The following GRID1 variants were observed in gnomAD, a reference collection of about 807,000 sequenced individuals.
The protein encoded by GRID1 is glutamate receptor ionotropic, delta-1.
A neutral mutation model predicts 98.0 loss-of-function variants in GRID1; 28 were observed. The ratio of observed to expected loss-of-function variants is 0.29; its 90% CI spans 0.21 to 0.39. The LOEUF is 0.39. GRID1 is among the 10% of genes least tolerant of loss of function. The pLI is 1.00. For synonymous variants in GRID1, 553 were observed against 538.5 expected, an observed-to-expected ratio of 1.03 and a Z score of -0.37; for missense variants, 1,111 against 1,340.5, an observed-to-expected ratio of 0.83 and a Z score of 2.67.
chr10:85,794,344 G>A (rs1158765542), intron 8 of GRID1, among the ~76,000 whole-genome samples: 1 of 152,232 alleles, frequency 6.6e-6, no homozygotes, highest in Non-Finnish European at 1.5e-5. Flanking sequence ...CCCTGAGATT[G>A]AATCTCAGAG....
intron 2 of GRID1, among the ~76,000 whole-genome samples, chr10:86,323,480 T>G (rs1328307258): frequency 6.6e-6 from 1 of 152,228 alleles, no homozygotes; most frequent in Non-Finnish European, 1.5e-5. Context: ...TTAAATTCTC[T>G]ACTCAGCTTT....
chr10:85,904,795 A>T (rs111554378), intron 5 of GRID1, among the ~76,000 whole-genome samples: 1 of 152,100 alleles, frequency 6.6e-6, no homozygotes, highest in Admixed American at 6.5e-5. Flanking sequence ...ACACATAACA[A>T]TAAAAATTAC....
chr10:85,949,462 C>T (rs1842091918), intron 4 of GRID1, among the ~76,000 whole-genome samples: 1 of 152,158 alleles, frequency 6.6e-6, no homozygotes, highest in South Asian at 2.1e-4. Flanking sequence ...GTATGTAGAC[C>T]TAATCCATTC....
At chr10:85,637,246 GA>G (rs1180443692) in intron 13 of GRID1, among the ~76,000 whole-genome samples, 1 of 152,132 alleles carries the variant, frequency 6.6e-6, no homozygotes, top group Admixed American at 6.5e-5. Context: ...TTTAGGTGGT[GA>G]AAAAAGAAAT....
chr10:86,322,391 T>C (rs1343388915), intron 2 of GRID1, among the ~76,000 whole-genome samples: 1 of 152,134 alleles, frequency 6.6e-6, no homozygotes, highest in African/African-American at 2.4e-5. Flanking sequence ...AGTAGAATTA[T>C]GTTTTGTTGT....
intron 4 of GRID1, among the ~76,000 whole-genome samples, chr10:85,919,587 C>T (rs367995914): frequency 6.6e-5 from 10 of 152,302 alleles, no homozygotes; most frequent in East Asian, 5.8e-4. Context: ...ATGCTCACAC[C>T]CCAGTGGGCA....
At chr10:85,646,023 AGCTTGCCCCAGG>A (rs1195805942) in intron 13 of GRID1, 1 of 152,728 alleles carries the variant, frequency 6.5e-6, no homozygotes, top group Non-Finnish European at 1.5e-5. Context: ...CTGGCCCCAG[AGCTTGCCCCAGG>A]CTGTCCTGAC....
intron 8 of GRID1, among the ~76,000 whole-genome samples, chr10:85,764,594 C>T (rs181878534): frequency 2.0e-4 from 30 of 152,290 alleles, no homozygotes; most frequent in Admixed American, 7.2e-4. Flanking sequence ...TAGACACAGG[C>T]ACATGTTCTA....
At chr10:86,264,571 G>C (rs1481446758) in intron 2 of GRID1, 1 of 446,530 alleles carries the variant, frequency 2.2e-6, no homozygotes, top group Non-Finnish European at 4.5e-6. Context: ...GGAGAGCAAG[G>C]TTTCCACAAT....
intron 3 of GRID1, among the ~76,000 whole-genome samples, chr10:86,151,777 C>T (rs11201914): frequency 0.05 from 7,614 of 152,266 alleles, 207 homozygotes; most frequent in African/African-American, 0.056. Flanking sequence ...CCCAATGGGA[C>T]CTCCTGATCC....
chr10:85,972,580 C>T (rs1589319381), intron 4 of GRID1, among the ~76,000 whole-genome samples: 1 of 151,506 alleles, frequency 6.6e-6, no homozygotes, highest in Non-Finnish European at 1.5e-5. Context: ...TTTCTCAGTG[C>T]CTTTGCAATC....
intron 3 of GRID1, among the ~76,000 whole-genome samples, chr10:86,167,191 C>T (rs1272039426): frequency 6.6e-6 from 1 of 152,202 alleles, no homozygotes; most frequent in Non-Finnish European, 1.5e-5. Context: ...CAAGGAGCTT[C>T]CAATAAAGCA....
At chr10:85,746,927 C>T (rs184283516) in intron 8 of GRID1, among the ~76,000 whole-genome samples, 1 of 152,248 alleles carries the variant, frequency 6.6e-6, no homozygotes, top group African/African-American at 2.4e-5. Context: ...CCTTTATGCT[C>T]ATCTTAAAAG....
intron 4 of GRID1, among the ~76,000 whole-genome samples, chr10:86,016,678 G>A (rs1842985157): frequency 6.6e-6 from 1 of 152,042 alleles, no homozygotes; most frequent in South Asian, 2.1e-4. Context: ...CATCTTTCCT[G>A]CTTCTGTGAT....
intron 15 of GRID1, among the ~76,000 whole-genome samples, chr10:85,609,130 TGGGAGG>T (rs1842705159): frequency 6.6e-6 from 1 of 152,178 alleles, no homozygotes; most frequent in South Asian, 2.1e-4. Flanking sequence ...AGCTTGCGCC[TGGGAGG>T]CAGCAGGGGT....
rs541547597 is a variant in GRID1 at position 85,621,150 on chromosome 10, A to C, written c.2194-1117T>G. Among the ~76,000 whole-genome samples, 6 of 152,314 alleles carry C rather than the reference A, an allele frequency of 3.9e-5. No individual in the cohort carries two copies. In the South Asian group the frequency reaches 1.0e-3, roughly 26 times the overall value. ...CACTGCCACCTGGCCATCTTAAAAC[A>C]AAGTAGAATGTTCTTAATGCAGCAA... On this transcript the variant is annotated intron_variant, in intron 13 of 15. Transcript: ENST00000327946.
chr10:86,281,688 G>A (rs1847359082), intron 2 of GRID1, among the ~76,000 whole-genome samples: 1 of 152,120 alleles, frequency 6.6e-6, no homozygotes, highest in Non-Finnish European at 1.5e-5. Flanking sequence ...TAGGACAGTA[G>A]TCCTAGGCCT....
chr10:85,647,498 A>C lies in GRID1; in HGVS notation c.1998-101T>G, dbSNP rs544806596. The C allele has an allele frequency of 9.2e-4, 780 of 850,612 alleles. 4 individuals are homozygous for C. Among genetic ancestry groups the C allele is most frequent in the South Asian group, 1.6e-3 (102 of 64,882 alleles). 52.7% of individuals were successfully genotyped at this position (850,612 alleles called of 1,614,324 possible). A position where few individuals can be genotyped will look rare whatever the true frequency, so the allele number is the denominator to read the frequency against. ...GGCCCTTCTGAACTCCAAGCCCGGC[A>C]TGGCCCACTATCCACATTCTTCATT... On this transcript the variant is annotated intron_variant, in intron 12 of 15. Transcript: ENST00000327946.
chr10:85,625,388 CT>C (rs1842900492), intron 13 of GRID1, among the ~76,000 whole-genome samples: 1 of 152,232 alleles, frequency 6.6e-6, no homozygotes, highest in African/African-American at 2.4e-5. Flanking sequence ...GGAAAATCTC[CT>C]TGACATTTTT....
Sources: gnomAD v4.1 joint callset for allele counts (sites outside exome capture counted in the v4.1 genomes callset) on GRCh38, gnomAD v4.1.1 for gene constraint, MANE v1.5 for transcripts, NCBI Gene and HGNC (gene_info 2026-07-23, HGNC 2026-07-21) for gene names.